Variants in LRRTM3 observed in about 807,000 individuals in gnomAD.
LRRTM3 encodes the protein leucine rich repeat transmembrane neuronal 3.
A neutral mutation model predicts 44.7 loss-of-function variants in LRRTM3; 24 were observed. The ratio of observed to expected loss-of-function variants is 0.54; its 90% confidence interval spans 0.39 to 0.76. The LOEUF is 0.76. Ranked by LOEUF, LRRTM3 falls within the 30% of genes least tolerant of loss-of-function variation. The pLI is 0.00. For missense variants in LRRTM3, 587 were observed against 702.2 expected (o/e 0.84, Z 1.85); for synonymous variants, 277 against 278.7 (o/e 0.99, Z 0.06).
chr10:66,982,880 G>C (rs7092716), intron 2 of LRRTM3, among the ~76,000 whole-genome samples: 1 of 152,182 alleles, frequency 6.6e-6, no homozygotes, highest in East Asian at 1.9e-4. Context: ...CTGGTAGGAA[G>C]AAGGGGAGAA....
At chr10:66,946,850 T>A (rs543620770) in intron 2 of LRRTM3, among the ~76,000 whole-genome samples, 258 of 152,272 alleles carry the variant, frequency 1.7e-3, no homozygotes, top group South Asian at 4.8e-3. Context: ...TTGATAAACT[T>A]CTTTTTTCAT....
At chr10:67,073,019 C>T (rs1856550989) in intron 2 of LRRTM3, among the ~76,000 whole-genome samples, 1 of 152,208 alleles carries the variant, frequency 6.6e-6, no homozygotes, top group Non-Finnish European at 1.5e-5. Context: ...ACTTTTCTTA[C>T]TCCCCAAAGA....
intron 2 of LRRTM3, among the ~76,000 whole-genome samples, chr10:67,092,346 C>T (rs1177931230): frequency 6.6e-6 from 1 of 151,898 alleles, no homozygotes; most frequent in Non-Finnish European, 1.5e-5. Flanking sequence ...AGACATAACA[C>T]TTACCAAGCA....
chr10:66,929,886 C>T (rs949971245), intron 2 of LRRTM3, among the ~76,000 whole-genome samples: 5 of 152,190 alleles, frequency 3.3e-5, no homozygotes, highest in South Asian at 2.1e-4. Context: ...TATTCTCCTT[C>T]ATCCTCCAAA....
chr10:67,078,237 C>T (rs1475187376), intron 2 of LRRTM3, among the ~76,000 whole-genome samples: 1 of 152,146 alleles, frequency 6.6e-6, no homozygotes, highest in African/African-American at 2.4e-5. Context: ...GAGTGATCTT[C>T]CCCCAATTCA....
intron 2 of LRRTM3, among the ~76,000 whole-genome samples, chr10:67,041,065 G>T (rs886139294): frequency 1.1e-4 from 16 of 152,048 alleles, no homozygotes; most frequent in African/African-American, 3.6e-4. Context: ...ACTTAGAATT[G>T]TACTGATAAT....
rs1435433075 is a variant in LRRTM3 at position 67,073,518 on chromosome 10, T to C, written c.1537-24069T>C. On this transcript the variant is annotated intron_variant, in intron 2 of 2. Coordinates refer to ENST00000361320, the MANE Select transcript of LRRTM3 (RefSeq NM_178011.5). ...AAACTCTCGTTTGTCAACATCCCTCTTAAACAAGTATCAACAAAAATCCTA... is the reference window on the plus strand; with the variant it reads ...AAACTCTCGTTTGTCAACATCCCTCCTAAACAAGTATCAACAAAAATCCTA... 2.6e-5 allele frequency among the ~76,000 whole-genome samples: 4 copies of C among 152,006 alleles called. No individual in the cohort carries two copies. The East Asian group carries it at 7.7e-4, about 29-fold the overall frequency.
rs1033670729 is a variant in LRRTM3, at chr10:67,101,073, C to T, written c.*3277C>T. ...TTCTGTGTTCTACTCTGGGCTCTCA[C>T]ATTAAAACTCTGTTCAAAAAGTTTA... On this transcript the variant is annotated 3_prime_UTR_variant, in exon 3 of 3. Transcript: ENST00000361320. 3.5e-4 allele frequency among the ~76,000 whole-genome samples: 53 copies of T among 151,862 alleles called. No individual in the cohort carries two copies. The highest frequency in any genetic ancestry group is 1.2e-3 in the African/African-American group (51 of 41,522).
At chr10:67,050,279 A>G (rs1403048236) in intron 2 of LRRTM3, among the ~76,000 whole-genome samples, 1 of 152,206 alleles carries the variant, frequency 6.6e-6, no homozygotes, top group Non-Finnish European at 1.5e-5. Context: ...CAAATATCAA[A>G]CAATTTACAT....
chr10:66,958,308 C>CA (rs35076056), intron 2 of LRRTM3, among the ~76,000 whole-genome samples: 2,269 of 86,784 alleles, frequency 0.026, 136 homozygotes, highest in African/African-American at 0.047. Context: ...TGCTTTCTTG[C>CA]AAAAAAAAAA....
At chr10:67,042,247 G>A (rs1480063065) in intron 2 of LRRTM3, among the ~76,000 whole-genome samples, 1 of 152,070 alleles carries the variant, frequency 6.6e-6, no homozygotes, top group African/African-American at 2.4e-5. Context: ...ATGGAAGCCT[G>A]AACCCAAATG....
intron 2 of LRRTM3, among the ~76,000 whole-genome samples, chr10:66,995,952 T>A (rs1851307382): frequency 1.3e-5 from 2 of 152,242 alleles, no homozygotes; most frequent in African/African-American, 4.8e-5. Flanking sequence ...ATTACATTAT[T>A]GTATCCTATA....
At chr10:67,085,103 C>A (rs1279312947) in intron 2 of LRRTM3, among the ~76,000 whole-genome samples, 3 of 151,872 alleles carry the variant, frequency 2.0e-5, no homozygotes, top group Admixed American at 1.3e-4. Flanking sequence ...TCAATATCTA[C>A]TTTGAACTGT....
intron 2 of LRRTM3, among the ~76,000 whole-genome samples, chr10:66,987,050 G>A (rs1850769141): frequency 6.6e-6 from 1 of 152,082 alleles, no homozygotes; most frequent in African/African-American, 2.4e-5. Context: ...AGATTTTCTG[G>A]AGAGAAAGAA....
intron 2 of LRRTM3, among the ~76,000 whole-genome samples, chr10:66,945,051 T>C (rs965600504): frequency 6.6e-6 from 1 of 152,144 alleles, no homozygotes; most frequent in African/African-American, 2.4e-5. Context: ...GAATGGTAAA[T>C]GAGCACTGGC....
chr10:67,070,184 A>G (rs1393444448), intron 2 of LRRTM3, among the ~76,000 whole-genome samples: 2 of 152,170 alleles, frequency 1.3e-5, no homozygotes, highest in African/African-American at 2.4e-5. Context: ...ATATATTGCA[A>G]TTTGGATATC....
At chr10:67,007,236 G>A (rs1194646387) in intron 2 of LRRTM3, among the ~76,000 whole-genome samples, 1 of 152,142 alleles carries the variant, frequency 6.6e-6, no homozygotes, top group Non-Finnish European at 1.5e-5. Flanking sequence ...TCAACACATT[G>A]AACTGAAATT....
At chr10:67,084,385 T>C (rs1857197704) in intron 2 of LRRTM3, among the ~76,000 whole-genome samples, 1 of 151,984 alleles carries the variant, frequency 6.6e-6, no homozygotes, top group Non-Finnish European at 1.5e-5. Context: ...TTATATTATC[T>C]AATTGACTAT....
At chr10:67,079,542 A>AT (rs1856926679) in intron 2 of LRRTM3, among the ~76,000 whole-genome samples, 2 of 152,184 alleles carry the variant, frequency 1.3e-5, no homozygotes, top group Admixed American at 1.3e-4. Flanking sequence ...AATTAGGAAG[A>AT]TAAAACATAA....
Sources: gnomAD v4.1 joint callset for allele counts (sites outside exome capture counted in the v4.1 genomes callset) on GRCh38, gnomAD v4.1.1 for gene constraint, MANE v1.5 for transcripts, NCBI Gene and HGNC (gene_info 2026-07-23, HGNC 2026-07-21) for gene names.